The following GALNT2 variants were observed in gnomAD, a reference collection of about 807,000 sequenced individuals.
GALNT2 encodes UDP-GalNAc:polypeptide N-acetylgalactosaminyltransferase 2.
In GALNT2, 31 loss-of-function variants were observed where a neutral mutation model predicts 81.4. The observed-to-expected ratio is 0.38, with a 90% CI of 0.29 to 0.51. The LOEUF is 0.51. Ranked by LOEUF, GALNT2 falls within the 20% of genes least tolerant of loss-of-function variation. The pLI is 0.87. For missense variants in GALNT2, 629 were observed against 765.7 expected (o/e 0.82, Z 2.11); for synonymous variants, 303 against 287.4 (o/e 1.05, Z -0.55).
At chr1:230,252,661 C>T (rs1417176578) in intron 10 of GALNT2, among the ~76,000 whole-genome samples, 9 of 152,088 alleles carry the variant, frequency 5.9e-5, no homozygotes, top group African/African-American at 1.2e-4. Context: ...ATGAAATCAA[C>T]GCTGAAGATA....
intron 1 of GALNT2, among the ~76,000 whole-genome samples, chr1:230,164,783 G>T (rs1662549965): frequency 6.6e-6 from 1 of 152,066 alleles, no homozygotes; most frequent in Admixed American, 6.5e-5. Flanking sequence ...ACCTGCCTAG[G>T]CCTACCAAAG....
chr1:230,187,491 G>C (rs1262386692), intron 2 of GALNT2, among the ~76,000 whole-genome samples: 2 of 146,592 alleles, frequency 1.4e-5, no homozygotes, highest in Admixed American at 1.4e-4. Flanking sequence ...CAGCCCCCCG[G>C]CAGCATCTGG....
At chr1:230,256,264 A>G (rs950721391) in intron 11 of GALNT2, among the ~76,000 whole-genome samples, 1 of 152,164 alleles carries the variant, frequency 6.6e-6, no homozygotes, top group Non-Finnish European at 1.5e-5. Context: ...CCTGGCCAAC[A>G]TGGAAACCGC....
intron 3 of GALNT2, among the ~76,000 whole-genome samples, chr1:230,232,204 ACTCT>A (rs887698424): frequency 6.6e-6 from 1 of 151,630 alleles, no homozygotes; most frequent in African/African-American, 2.4e-5. Context: ...ACACACACTC[ACTCT>A]AACTCTGGGA....
In GALNT2 at chr1:230,275,309, A is replaced by G. The variant is rs140896740; in HGVS notation, c.1560+745A>G. On this transcript the variant is annotated intron_variant, in intron 15 of 15. Transcript: ENST00000366672. The surrounding 1 kb of genome is among the most constrained non-coding windows in gnomAD (Gnocchi z 5.5). ...TAGATGCCACATTTATACATATATA[A>G]ACGCCACATATATATACACACCACA... Among the ~76,000 whole-genome samples, 125 of 151,682 alleles carry G rather than the reference A, an allele frequency of 8.2e-4. No individual in the cohort carries two copies. Among genetic ancestry groups the G allele is most frequent in the African/African-American group, 2.9e-3 (119 of 41,344 alleles).
chr1:230,061,131 G>T (rs566672607), intron 1 of GALNT2, among the ~76,000 whole-genome samples: 15 of 152,128 alleles, frequency 9.9e-5, no homozygotes. Flanking sequence ...GGCCCTTTAA[G>T]TGGACAGATC....
rs949367105 is a variant in GALNT2, at chr1:230,257,636, G to A, written c.1136+2292G>A. Among the ~76,000 whole-genome samples, 2 of 152,116 alleles carry A rather than the reference G, an allele frequency of 1.3e-5. No individual in the cohort carries two copies. The highest frequency in any genetic ancestry group is 2.9e-5 in the Non-Finnish European group (2 of 68,038). On this transcript the variant is annotated intron_variant, in intron 11 of 15. Coordinates refer to ENST00000366672, the MANE Select transcript of GALNT2 (RefSeq NM_004481.5). The surrounding 1 kb of genome is among the most constrained non-coding windows in gnomAD (Gnocchi z 4.6). ...ATGATGTTCACACAACGACAACATC[G>A]CCTAAGGATGCATTTTTCAGGTTGT...
At chr1:230,215,951 A>C (rs1217091067) in intron 3 of GALNT2, among the ~76,000 whole-genome samples, 2 of 152,272 alleles carry the variant, frequency 1.3e-5, no homozygotes. Flanking sequence ...CATGGCTGGC[A>C]GACTTTCAGC....
At chr1:230,101,008 C>T (rs1232928837) in intron 1 of GALNT2, among the ~76,000 whole-genome samples, 1 of 152,060 alleles carries the variant, frequency 6.6e-6, no homozygotes, top group Non-Finnish European at 1.5e-5. Context: ...ATTGTGTTAC[C>T]TACAGTATTC....
chr1:230,105,571 G>A (rs756629607), intron 1 of GALNT2, among the ~76,000 whole-genome samples: 2 of 152,166 alleles, frequency 1.3e-5, no homozygotes, highest in East Asian at 3.8e-4. Context: ...TCTTGTGTAA[G>A]CTCCTGTGGG....
At position 230,236,235 on chromosome 1, in the gene GALNT2, T is replaced by G. The variant is rs1429475073; in HGVS notation, c.474-118T>G. 3.0e-6 allele frequency: 4 copies of G among 1,345,424 alleles called. No homozygotes were observed. The East Asian group carries it at 9.3e-5, about 31-fold the overall frequency. The allele number at this position is 1,345,424 out of a possible 1,614,324, so 83.3% of individuals were successfully genotyped here. On this transcript the variant is annotated intron_variant, in intron 4 of 15. Coordinates refer to ENST00000366672, the MANE Select transcript of GALNT2 (RefSeq NM_004481.5). ...GGTCTCCTGACTGCTCAGCACAGGGTGCAGTGTGTAGCTCCTCCAACCAAG... is the reference window on the plus strand; with the variant it reads ...GGTCTCCTGACTGCTCAGCACAGGGGGCAGTGTGTAGCTCCTCCAACCAAG...
intron 3 of GALNT2, among the ~76,000 whole-genome samples, chr1:230,234,626 C>T (rs1558152722): frequency 6.6e-6 from 1 of 152,170 alleles, no homozygotes; most frequent in Non-Finnish European, 1.5e-5. Flanking sequence ...GAAACCAAAG[C>T]CTCTTTTCCA....
chr1:230,213,715 G>A (rs1205954469), intron 3 of GALNT2, among the ~76,000 whole-genome samples: 2 of 152,056 alleles, frequency 1.3e-5, no homozygotes, highest in African/African-American at 4.8e-5. Context: ...TTTTTCCCTT[G>A]CATCCTCCTA....
rs12065507 is a variant in GALNT2 at position 230,227,868 on chromosome 1, G to A, written c.375-8146G>A. On this transcript the variant is annotated intron_variant, in intron 3 of 15. Coordinates refer to ENST00000366672, the MANE Select transcript of GALNT2 (RefSeq NM_004481.5). Reference sequence around the variant, plus strand: ...ACTTTTAAAAATTGTATATTGTGTTGCAGGCCATAATCACTGCCATCTTAA... The same window carrying A: ...ACTTTTAAAAATTGTATATTGTGTTACAGGCCATAATCACTGCCATCTTAA... Among the ~76,000 whole-genome samples, 534 of 152,242 alleles carry A rather than the reference G, an allele frequency of 3.5e-3. 4 individuals are homozygous for A. The highest frequency in any genetic ancestry group is 0.012 in the African/African-American group (494 of 41,548).
rs569539534 is a variant in GALNT2, at chr1:230,246,399, G to C, written c.817+249G>C. Among the ~76,000 whole-genome samples, 7 of 152,314 alleles carry C rather than the reference G, an allele frequency of 4.6e-5. No individual in the cohort carries two copies. The East Asian group carries it at 1.3e-3, about 29-fold the overall frequency. ...CCTTGACCTTCTGTCACTTTTGCGA[G>C]CCATGTGGTTCCATGAACAGATATG... On this transcript the variant is annotated intron_variant, in intron 8 of 15. Coordinates refer to ENST00000366672, the MANE Select transcript of GALNT2 (RefSeq NM_004481.5).
At chr1:230,083,321 G>A (rs1256687589) in intron 1 of GALNT2, among the ~76,000 whole-genome samples, 3 of 149,728 alleles carry the variant, frequency 2.0e-5, no homozygotes, top group African/African-American at 5.0e-5. Context: ...GGAGTGGGGA[G>A]CGAGGATGAT....
At chr1:230,123,926 T>C (rs1424099585) in intron 1 of GALNT2, among the ~76,000 whole-genome samples, 1 of 152,224 alleles carries the variant, frequency 6.6e-6, no homozygotes, top group Admixed American at 6.5e-5. Flanking sequence ...ACTCTAAAAA[T>C]GTGAAAACAC....
In GALNT2 at chr1:230,183,592, CA is replaced by C. The variant is rs1309386287; in HGVS notation, c.220+5282del. On this transcript the variant is annotated intron_variant, in intron 2 of 15. Coordinates refer to ENST00000366672, the MANE Select transcript of GALNT2 (RefSeq NM_004481.5). Reference sequence around the variant, plus strand: ...GTCATTCATTTTACATCCACATAAGCATATGTATATAATATATAAAAGAATA... The same window carrying C: ...GTCATTCATTTTACATCCACATAAGCTATGTATATAATATATAAAAGAATA... Among the ~76,000 whole-genome samples, 5 of 152,154 alleles carry C rather than the reference CA, an allele frequency of 3.3e-5. No homozygotes were observed. The East Asian group carries it at 9.6e-4, about 29-fold the overall frequency.
intron 11 of GALNT2, among the ~76,000 whole-genome samples, chr1:230,259,298 A>C (rs918600495): frequency 6.6e-6 from 1 of 152,234 alleles, no homozygotes; most frequent in Non-Finnish European, 1.5e-5. Context: ...GTCAAAGTAC[A>C]AAATTTGTTT....
Sources: gnomAD v4.1 joint callset for allele counts (sites outside exome capture counted in the v4.1 genomes callset) on GRCh38, gnomAD v4.1.1 for gene constraint, Gnocchi (gnomAD v3.1) non-coding constraint, MANE v1.5 for transcripts, NCBI Gene and HGNC (gene_info 2026-07-23, HGNC 2026-07-21) for gene names.